Variants in NSUN6 observed in about 807,000 individuals in gnomAD.
NSUN6 encodes tRNA (cytosine(72)-C(5))-methyltransferase NSUN6.
NSUN6 carries 64 observed loss-of-function variants against 58.0 expected under a neutral mutation model. That is an observed-to-expected ratio of 1.10 (90% CI 0.90 to 1.36). The LOEUF (loss-of-function observed/expected upper bound fraction) is 1.36. Ranked by LOEUF, NSUN6 falls within the 40% of genes most tolerant of loss-of-function variation. The pLI, the probability that NSUN6 is intolerant of heterozygous loss-of-function variation, is 0.00. For missense variants in NSUN6, 701 were observed against 550.1 expected (o/e 1.27, Z -2.74); for synonymous variants, 231 against 193.9 (o/e 1.19, Z -1.59).
intron 8 of NSUN6, among the ~76,000 whole-genome samples, chr10:18,571,673 A>C (rs1338164307): frequency 7.3e-6 from 1 of 137,758 alleles, no homozygotes; most frequent in Non-Finnish European, 1.6e-5. Flanking sequence ...ATCCCATTCC[A>C]ATCTCAATTC....
At position 18,560,749 on chromosome 10, in the gene NSUN6, AATGGAATAGAGAATGGAATGGAG is replaced by A. The variant is rs1363125416; in HGVS notation, c.923-8801_923-8779del. 1.3e-3 allele frequency among the ~76,000 whole-genome samples: 197 copies of A among 151,190 alleles called. 2 individuals carry two copies. The highest frequency in any genetic ancestry group is 4.7e-3 in the African/African-American group (193 of 41,242). On this transcript the variant is annotated intron_variant, in intron 8 of 10. Coordinates refer to ENST00000377304, the MANE Select transcript of NSUN6 (RefSeq NM_182543.5). ...GAATGGAGAATGGAATAGAGAATGGAATGGAATAGAGAATGGAATGGAGATGGAATAGAGAATGGAATGGTATG... is the reference window on the plus strand; with the variant it reads ...GAATGGAGAATGGAATAGAGAATGGAATGGAATAGAGAATGGAATGGTATG...
chr10:18,557,879 T>A (rs1038943464), intron 8 of NSUN6, among the ~76,000 whole-genome samples: 6 of 149,112 alleles, frequency 4.0e-5, no homozygotes, highest in Admixed American at 1.3e-4. Flanking sequence ...GAGCGTGGAA[T>A]GGAATGGAAT....
intron 3 of NSUN6, among the ~76,000 whole-genome samples, chr10:18,638,960 A>AAAC (rs1554885574): frequency 6.7e-6 from 1 of 150,354 alleles, no homozygotes; most frequent in African/African-American, 2.5e-5. Flanking sequence ...AAAAAAAAAA[A>AAAC]AAAAAAAAAA....
intron 6 of NSUN6, among the ~76,000 whole-genome samples, chr10:18,608,200 C>G (rs2058106989): frequency 6.6e-6 from 1 of 152,088 alleles, no homozygotes. Context: ...GTAGTCTGGA[C>G]AGTATGAATC....
At chr10:18,637,259 G>A (rs1419969653) in intron 3 of NSUN6, among the ~76,000 whole-genome samples, 6 of 152,048 alleles carry the variant, frequency 3.9e-5, no homozygotes, top group East Asian at 1.9e-4. Context: ...CACCACGCCC[G>A]GCCTCTTTTC....
intron 5 of NSUN6, 117 bp from the exon 6 acceptor site, chr10:18,610,043 A>T: frequency 1.5e-6 from 1 of 684,560 alleles, no homozygotes; most frequent in Non-Finnish European, 2.6e-6. Context: ...CTTTTTAAGA[A>T]CTATTTTGGC....
At chr10:18,601,048 A>C (rs1457604544) in intron 6 of NSUN6, among the ~76,000 whole-genome samples, 2 of 146,730 alleles carry the variant, frequency 1.4e-5, no homozygotes, top group African/African-American at 5.1e-5. Context: ...AGGTGTAACT[A>C]CTTTGGCCAC....
Position 18,545,868 on chromosome 10 carries a change from T to TTAAAAAA in NSUN6, c.*64_*65insTTTTTTA. 5.5e-6 allele frequency: 4 copies of TTAAAAAA among 732,152 alleles called. No homozygotes were observed. The highest frequency in any genetic ancestry group is 8.9e-6 in the Non-Finnish European group (4 of 450,174). The allele number at this position is 732,152 out of a possible 1,614,324, so 45.4% of individuals were successfully genotyped here. The stretch of plus-strand genomic sequence containing the variant: ...TCAGTTGGCCTGACAACACTTTGGT[T>TTAAAAAA]AAAAAAAAAAAAACCACAGACAGCA... On this transcript the variant is annotated 3_prime_UTR_variant, in exon 11 of 11. Transcript: ENST00000377304.
intron 6 of NSUN6, among the ~76,000 whole-genome samples, chr10:18,599,799 C>A (rs2057734563): frequency 6.6e-6 from 1 of 152,166 alleles, no homozygotes; most frequent in South Asian, 2.1e-4. Flanking sequence ...CAGTTTCAGG[C>A]ACCATTTTTT....
At chr10:18,580,056 T>C (rs906406164) in intron 8 of NSUN6, among the ~76,000 whole-genome samples, 3 of 152,152 alleles carry the variant, frequency 2.0e-5, no homozygotes, top group Non-Finnish European at 4.4e-5. Context: ...TGAGGTGGTG[T>C]GTAATTTAGG....
In NSUN6 at chr10:18,651,274, G is replaced by A. The variant is rs1408845455; in HGVS notation, c.-71C>T. ...GTGTTTTGTTTTTTTTTTTCTTTCC[G>A]AATTAATAGTGACGAGTGTCTTGAC... On this transcript the variant is annotated 5_prime_UTR_variant, in exon 1 of 11. Transcript: ENST00000377304. 2 of 1,473,714 alleles carry A rather than the reference G, an allele frequency of 1.4e-6. No individual in the cohort carries two copies. The highest frequency in any genetic ancestry group is 2.7e-5 in the Admixed American group (1 of 37,496). 91.3% of individuals were successfully genotyped at this position (1,473,714 alleles called of 1,614,324 possible). A position where few individuals can be genotyped will look rare whatever the true frequency, so the allele number is the denominator to read the frequency against.
intron 6 of NSUN6, among the ~76,000 whole-genome samples, chr10:18,603,286 C>G (rs181984220): frequency 6.6e-6 from 1 of 151,984 alleles, no homozygotes; most frequent in Admixed American, 6.6e-5. Context: ...AGAATCAAAA[C>G]AGTAGACAGA....
chr10:18,548,992 T>C (rs2054451136), intron 9 of NSUN6, among the ~76,000 whole-genome samples: 1 of 152,166 alleles, frequency 6.6e-6, no homozygotes, highest in African/African-American at 2.4e-5. Flanking sequence ...CCTCTTTATC[T>C]TTTGCCTGGA....
chr10:18,580,602 C>A (rs951399881), intron 8 of NSUN6, among the ~76,000 whole-genome samples: 1 of 152,156 alleles, frequency 6.6e-6, no homozygotes, highest in African/African-American at 2.4e-5. Context: ...ATTACCCTCA[C>A]CCAAGAGCCA....
rs114208684 is a variant in NSUN6, at chr10:18,581,168, G to A, written c.922+4781C>T. 5.4e-3 allele frequency among the ~76,000 whole-genome samples: 820 copies of A among 152,204 alleles called. 7 individuals are homozygous for A. The highest frequency in any genetic ancestry group is 0.016 in the African/African-American group (665 of 41,528). On this transcript the variant is annotated intron_variant, in intron 8 of 10. Coordinates refer to ENST00000377304, the MANE Select transcript of NSUN6 (RefSeq NM_182543.5). The stretch of plus-strand genomic sequence containing the variant: ...GGGAGCGTGCACAGTGTGTTTATCA[G>A]AGGCGTTTGAACCACCCATCTTGAA...
intron 8 of NSUN6, 151 bp downstream of exon 8, chr10:18,585,798 C>CTA: frequency 2.7e-5 from 7 of 257,706 alleles, no homozygotes; most frequent in South Asian, 4.9e-5. Flanking sequence ...TTTCAAATTA[C>CTA]CACAAGGATA....
chr10:18,638,012 G>A lies in NSUN6; in HGVS notation c.311+4464C>T, dbSNP rs75069035. Among the ~76,000 whole-genome samples, 29 of 152,262 alleles carry A rather than the reference G, an allele frequency of 1.9e-4. No individual in the cohort carries two copies. In the East Asian group the frequency reaches 4.8e-3, roughly 25 times the overall value. ...AAAATTGGGAGGTGGGACAGGAGAC[G>A]TAACAGATGATTACTTTTATATTTA... On this transcript the variant is annotated intron_variant, in intron 3 of 10. Transcript: ENST00000377304.
chr10:18,557,864 G>T (rs2055163159), intron 8 of NSUN6, among the ~76,000 whole-genome samples: 1 of 151,378 alleles, frequency 6.6e-6, no homozygotes, highest in East Asian at 1.9e-4. Flanking sequence ...ATGGAATATG[G>T]AATGGAGCGT....
chr10:18,630,284 T>A (rs894960244), intron 3 of NSUN6, among the ~76,000 whole-genome samples: 2 of 149,624 alleles, frequency 1.3e-5, no homozygotes, highest in Non-Finnish European at 3.0e-5. Flanking sequence ...TAGCACTAAA[T>A]GCCCACAAGA....
Sources: allele counts gnomAD v4.1 joint callset (sites outside exome capture counted in the v4.1 genomes callset), GRCh38; gene constraint gnomAD v4.1.1; transcripts MANE v1.5; gene names NCBI Gene and HGNC (gene_info 2026-07-23, HGNC 2026-07-21).